Variants in MINPP1 observed in about 807,000 individuals in gnomAD.
MINPP1 encodes the protein multiple inositol-polyphosphate phosphatase 1.
Under a neutral mutation model 46.1 loss-of-function variants are expected in MINPP1, and 28 were observed. The observed-to-expected ratio is 0.61, with a 90% CI of 0.45 to 0.83. The LOEUF (loss-of-function observed/expected upper bound fraction) is 0.83. MINPP1 is among the 40% of genes least tolerant of loss of function. The pLI is 0.00. For missense variants in MINPP1, 603 were observed against 610.0 expected, an observed-to-expected ratio of 0.99 and a Z score of 0.12; for synonymous variants, 268 against 249.1, an observed-to-expected ratio of 1.08 and a Z score of -0.72.
rs1189250487 is a variant in MINPP1 at position 87,505,866 on chromosome 10, C to T, written c.637+314C>T. ...GACGAGGTCTCCCGCAATTTTTGCG[C>T]TCCCGTTCCCAAACTGAATTGCCCC... On this transcript the variant is annotated intron_variant, in intron 1 of 4. Coordinates refer to ENST00000371996, the MANE Select transcript of MINPP1 (RefSeq NM_004897.5). The surrounding 1 kb of genome is among the most constrained non-coding windows in gnomAD (Gnocchi z 4.4). Among the ~76,000 whole-genome samples, 3 of 152,190 alleles carry T rather than the reference C, an allele frequency of 2.0e-5. No homozygotes were observed. Among genetic ancestry groups the T allele is most frequent in the Non-Finnish European group, 2.9e-5 (2 of 68,038 alleles).
At chr10:87,545,202 G>A (rs555722400) in intron 4 of MINPP1, among the ~76,000 whole-genome samples, 40 of 152,178 alleles carry the variant, frequency 2.6e-4, no homozygotes, top group African/African-American at 9.1e-4. Flanking sequence ...CATGTTGATA[G>A]CATATTATAT....
intron 2 of MINPP1, among the ~76,000 whole-genome samples, chr10:87,512,768 A>C (rs998079009): frequency 6.6e-6 from 1 of 152,188 alleles, no homozygotes; most frequent in Admixed American, 6.5e-5. Flanking sequence ...CAGGAATCCG[A>C]GTTTGCAGTG....
intron 4 of MINPP1, among the ~76,000 whole-genome samples, chr10:87,548,089 T>C (rs1330887796): frequency 3.9e-5 from 6 of 152,146 alleles, no homozygotes; most frequent in Non-Finnish European, 8.8e-5. Context: ...AGAACCTGTA[T>C]CATAGAGTAA....
intron 4 of MINPP1, among the ~76,000 whole-genome samples, chr10:87,541,349 G>A (rs1851813288): frequency 6.6e-6 from 1 of 152,158 alleles, no homozygotes; most frequent in African/African-American, 2.4e-5. Flanking sequence ...CATAAGAAGA[G>A]CATTCTGAAA....
At chr10:87,510,227 G>T (rs572997778) in intron 2 of MINPP1, among the ~76,000 whole-genome samples, 2 of 152,162 alleles carry the variant, frequency 1.3e-5, no homozygotes, top group East Asian at 1.9e-4. Context: ...CAGTAATTGC[G>T]CAATAAATAC....
intron 1 of MINPP1, among the ~76,000 whole-genome samples, chr10:87,506,754 A>G (rs1201303173): frequency 3.3e-5 from 5 of 152,326 alleles, no homozygotes; most frequent in Admixed American, 1.3e-4. Flanking sequence ...GTTTAGCTTC[A>G]AAGCCCAAGT....
intron 4 of MINPP1, among the ~76,000 whole-genome samples, chr10:87,544,138 A>C (rs1198970382): frequency 6.6e-6 from 1 of 152,156 alleles, no homozygotes; most frequent in Non-Finnish European, 1.5e-5. Flanking sequence ...GGAACACCTG[A>C]CTGACTGGCT....
chr10:87,538,826 A>G (rs573003079), intron 4 of MINPP1, among the ~76,000 whole-genome samples: 20 of 152,356 alleles, frequency 1.3e-4, no homozygotes, highest in South Asian at 4.1e-4. Context: ...CATAACATCA[A>G]TTGAGTGTGA....
At chr10:87,525,359 A>C (rs1404290165) in intron 4 of MINPP1, among the ~76,000 whole-genome samples, 4 of 152,218 alleles carry the variant, frequency 2.6e-5, no homozygotes, top group African/African-American at 9.7e-5. Context: ...CATATTCTGG[A>C]CATTTCATAT....
At chr10:87,550,274 CTACCGCTTGG>C (rs1287979214) in intron 4 of MINPP1, among the ~76,000 whole-genome samples, 1 of 152,156 alleles carries the variant, frequency 6.6e-6, no homozygotes, top group African/African-American at 2.4e-5. Context: ...GTTCTGAATG[CTACCGCTTGG>C]TAACTTCAGA....
chr10:87,515,259 C>T (rs1348637765), intron 3 of MINPP1, among the ~76,000 whole-genome samples: 1 of 151,798 alleles, frequency 6.6e-6, no homozygotes, highest in Non-Finnish European at 1.5e-5. Context: ...TGGTGGTGCA[C>T]ACCTGTGATC....
intron 4 of MINPP1, 39 bp from the exon 5 acceptor site, chr10:87,552,043 A>AAG (rs1851970361): frequency 6.8e-7 from 1 of 1,471,906 alleles, no homozygotes; most frequent in Non-Finnish European, 9.4e-7. Context: ...CTATGACATT[A>AAG]ATATATATAC....
chr10:87,519,355 C>G (rs1456699114), intron 3 of MINPP1, among the ~76,000 whole-genome samples: 1 of 152,190 alleles, frequency 6.6e-6, no homozygotes, highest in East Asian at 1.9e-4. Context: ...GTTCCAAAAC[C>G]AGGAGTGGTC....
chr10:87,505,005 C>G lies in MINPP1; in HGVS notation c.90C>G (p.Cys30Trp), dbSNP rs1851216535. 1 of 1,612,922 alleles carries G rather than the reference C, an allele frequency of 6.2e-7. No individual in the cohort carries two copies. Among genetic ancestry groups the G allele is most frequent in the Non-Finnish European group, 8.5e-7 (1 of 1,179,862 alleles). Residue 30 changes from cysteine (C) to tryptophan (W), a missense_variant, in exon 1 of 5, where the codon TGC becomes TGG. Coordinates refer to ENST00000371996, the MANE Select transcript of MINPP1 (RefSeq NM_004897.5). The surrounding 1 kb of genome is among the most constrained non-coding windows in gnomAD (Gnocchi z 4.4). ...CGCTGCTCTCGTCGCTTGCGCGCTG[C>G]TCTCTTCTAGAGCCGAGGGACCCGG... ...AAALLSSLAR[C>W]SLLEPRDPVA...
chr10:87,527,124 C>T (rs1851588698), intron 4 of MINPP1, among the ~76,000 whole-genome samples: 1 of 152,146 alleles, frequency 6.6e-6, no homozygotes, highest in African/African-American at 2.4e-5. Flanking sequence ...TGAATCTATA[C>T]ATTACCTTGG....
Position 87,521,055 on chromosome 10 carries a change from A to G in MINPP1, c.953A>G (p.Asp318Gly), listed in dbSNP as rs1851493794. The change falls in exon 4 of 5, where the codon GAT (aspartate) becomes GGT (glycine). Residue 318 changes from aspartate to glycine, a missense_variant. Around this residue, in one of 3 missense-constraint regions of MINPP1, gnomAD observed 344 missense variants for 381.1 expected, o/e 0.90. Coordinates refer to ENST00000371996, the MANE Select transcript of MINPP1 (RefSeq NM_004897.5). ...TTTTAGGTATTAGAATATTTAAATG[A>G]TCTGAAACAATATTGGAAAAGAGGA... ...DDAKVLEYLNDLKQYWKRGYG... is the reference protein window; with the variant it reads ...DDAKVLEYLNGLKQYWKRGYG... 2.5e-6 allele frequency: 3 copies of G among 1,184,342 alleles called. No individual in the cohort carries two copies. Among genetic ancestry groups the G allele is most frequent in the Non-Finnish European group, 3.8e-6 (3 of 795,126 alleles). The allele number at this position is 1,184,342 out of a possible 1,614,324, so 73.4% of individuals were successfully genotyped here.
intron 2 of MINPP1, chr10:87,509,678 T>C (rs1477756616): frequency 3.5e-6 from 1 of 289,378 alleles, no homozygotes; most frequent in Non-Finnish European, 7.2e-6. Flanking sequence ...TATTATCCCA[T>C]GCCAGTTTTA....
At chr10:87,508,262 A>C (rs1851283368) in intron 1 of MINPP1, 74 bp from the exon 2 acceptor site, 6 of 1,580,614 alleles carry the variant, frequency 3.8e-6, no homozygotes, top group Non-Finnish European at 5.2e-6. Context: ...TTTCACACTT[A>C]ACATTTTCAA....
At chr10:87,548,938 G>C (rs1190036054) in intron 4 of MINPP1, among the ~76,000 whole-genome samples, 3 of 152,040 alleles carry the variant, frequency 2.0e-5, no homozygotes, top group Non-Finnish European at 2.9e-5. Flanking sequence ...AAAATTGTCT[G>C]GAATTCTAAA....
Sources: gnomAD v4.1 joint callset for allele counts (sites outside exome capture counted in the v4.1 genomes callset) on GRCh38, gnomAD v4.1.1 for gene constraint, gnomAD v4.1.1 regional missense constraint, Gnocchi (gnomAD v3.1) non-coding constraint, MANE v1.5 for transcripts, NCBI Gene and HGNC (gene_info 2026-07-23, HGNC 2026-07-21) for gene names.